The following CHRM3 variants were observed in gnomAD, a reference collection of about 807,000 sequenced individuals.
The protein encoded by CHRM3 is muscarinic acetylcholine receptor M3.
In CHRM3, 11 loss-of-function variants were observed where a neutral mutation model predicts 41.8. The ratio of observed to expected loss-of-function variants is 0.26; its 90% confidence interval spans 0.17 to 0.44. The LOEUF (loss-of-function observed/expected upper bound fraction) is 0.44. Ranked by LOEUF, CHRM3 falls within the 20% of genes least tolerant of loss-of-function variation. CHRM3 has a pLI of 1.00. For synonymous variants in CHRM3, 297 were observed against 301.4 expected (o/e 0.99, Z 0.15); for missense variants, 571 against 745.4 (o/e 0.77, Z 2.72).
chr1:239,769,737 C>G (rs1053511517), intron 5 of CHRM3, among the ~76,000 whole-genome samples: 1 of 152,142 alleles, frequency 6.6e-6, no homozygotes, highest in African/African-American at 2.4e-5. Flanking sequence ...AAAAATTAGC[C>G]AGGCTTGGTG....
chr1:239,841,210 T>C (rs1344338429), intron 6 of CHRM3, among the ~76,000 whole-genome samples: 1 of 152,192 alleles, frequency 6.6e-6, no homozygotes, highest in East Asian at 1.9e-4. Context: ...TAACTTGGAT[T>C]TTTCTCTTGA....
intron 3 of CHRM3, among the ~76,000 whole-genome samples, chr1:239,600,961 T>C (rs112860121): frequency 1.3e-5 from 2 of 152,262 alleles, no homozygotes; most frequent in East Asian, 1.9e-4. Flanking sequence ...CAAAGTCCAT[T>C]TGAGATTTTT....
chr1:239,796,615 C>T (rs540914723), intron 5 of CHRM3, among the ~76,000 whole-genome samples: 1 of 152,072 alleles, frequency 6.6e-6, no homozygotes, highest in African/African-American at 2.4e-5. Context: ...GGCTGATCAG[C>T]GTCTCGGAGG....
At chr1:239,617,083 A>G (rs925273886) in intron 3 of CHRM3, among the ~76,000 whole-genome samples, 1 of 152,122 alleles carries the variant, frequency 6.6e-6, no homozygotes, top group Non-Finnish European at 1.5e-5. Flanking sequence ...ATCATTTAGC[A>G]TAGCTCCCCT....
intron 4 of CHRM3, among the ~76,000 whole-genome samples, chr1:239,660,646 G>C (rs958807506): frequency 6.6e-6 from 1 of 152,046 alleles, no homozygotes; most frequent in African/African-American, 2.4e-5. Flanking sequence ...ACTTTGGGAG[G>C]CTGAGACAGG....
intron 3 of CHRM3, among the ~76,000 whole-genome samples, chr1:239,621,698 G>A (rs1046530751): frequency 6.6e-6 from 1 of 152,204 alleles, no homozygotes; most frequent in Admixed American, 6.5e-5. Flanking sequence ...TGAAGGCTGA[G>A]AGAGGAAAGG....
intron 5 of CHRM3, among the ~76,000 whole-genome samples, chr1:239,705,875 C>T (rs1013248026): frequency 2.6e-5 from 4 of 151,656 alleles, no homozygotes; most frequent in African/African-American, 9.7e-5. Context: ...GATAAAATTA[C>T]CTTGGAATAC....
rs1680576388 is a variant in CHRM3 at position 239,915,150 on chromosome 1, A to C, written c.*5926A>C. 1 of 167,118 alleles carries C rather than the reference A, an allele frequency of 6.0e-6. No homozygotes were observed. Among genetic ancestry groups the C allele is most frequent in the Non-Finnish European group, 1.5e-5 (1 of 68,130 alleles). The allele number at this position is 167,118 out of a possible 1,614,324, so 10.4% of individuals were successfully genotyped here. A position where few individuals can be genotyped will look rare whatever the true frequency, so the allele number is the denominator to read the frequency against. ...AAGATGCTCTCTGGTGGATAGAGAA[A>C]CCGCAGTCCAAAAACAGATGGGTGT... On this transcript the variant is annotated 3_prime_UTR_variant, in exon 7 of 7. Transcript: ENST00000676153.
chr1:239,670,655 G>A (rs1674265807), intron 4 of CHRM3, among the ~76,000 whole-genome samples: 1 of 152,048 alleles, frequency 6.6e-6, no homozygotes, highest in African/African-American at 2.4e-5. Flanking sequence ...AGCTTCCCAA[G>A]CAGCTGGGAT....
At chr1:239,619,918 A>T (rs1206414446) in intron 3 of CHRM3, among the ~76,000 whole-genome samples, 1 of 152,180 alleles carries the variant, frequency 6.6e-6, no homozygotes, top group African/African-American at 2.4e-5. Flanking sequence ...GGTTACCTGA[A>T]GAAAAGGGTG....
Position 239,739,177 on chromosome 1 carries a change from A to G in CHRM3, c.-147+60889A>G, listed in dbSNP as rs79458405. On this transcript the variant is annotated intron_variant, in intron 5 of 6. Coordinates refer to ENST00000676153, the MANE Select transcript of CHRM3 (RefSeq NM_001375978.1). ...CAATATTATGTATTTGACAGGGCAC[A>G]GCAGCACCAGCATGCATTGGCATTG... Among the ~76,000 whole-genome samples the G allele has an allele frequency of 7.2e-5, 11 of 152,300 alleles. No homozygotes were observed. The East Asian group carries it at 1.9e-3, about 27-fold the overall frequency.
chr1:239,770,990 A>G (rs1667615331), intron 5 of CHRM3, among the ~76,000 whole-genome samples: 1 of 151,872 alleles, frequency 6.6e-6, no homozygotes, highest in Non-Finnish European at 1.5e-5. Context: ...ATGGAGGCTG[A>G]GGCAGGGGAA....
rs1448173064 is a variant in CHRM3 at position 239,387,394 on chromosome 1, G to A, written c.-521+167G>A. Among the ~76,000 whole-genome samples, 1 of 152,020 alleles carries A rather than the reference G, an allele frequency of 6.6e-6. No individual in the cohort carries two copies. The highest frequency in any genetic ancestry group is 1.5e-5 in the Non-Finnish European group (1 of 68,018). On this transcript the variant is annotated intron_variant, in intron 1 of 6. Transcript: ENST00000676153. The surrounding 1 kb of genome is among the most constrained non-coding windows in gnomAD (Gnocchi z 5.1). ...AAGGGGCTGGGTAGGGACGAGAGAG[G>A]CTGTTGATTTGGGGAAGATGGGGGC...
intron 1 of CHRM3, among the ~76,000 whole-genome samples, chr1:239,480,682 G>A (rs933859097): frequency 7.3e-5 from 11 of 150,448 alleles, no homozygotes; most frequent in African/African-American, 2.7e-4. Context: ...TCAGCCTCCT[G>A]AGTAGCGGGG....
intron 6 of CHRM3, among the ~76,000 whole-genome samples, chr1:239,864,573 C>CATAT: frequency 6.6e-6 from 1 of 151,602 alleles, no homozygotes; most frequent in Non-Finnish European, 1.5e-5. Context: ...TACATATATA[C>CATAT]ATATATATGT....
chr1:239,793,803 ATTTTTTTTTTTTT>A (rs67460907), intron 5 of CHRM3, among the ~76,000 whole-genome samples: 3 of 69,494 alleles, frequency 4.3e-5, no homozygotes, highest in Non-Finnish European at 7.4e-5. Context: ...TGAAATGTGT[ATTTTTTTTTTTTT>A]TTTTTTTTTT....
At chr1:239,652,662 C>T (rs922895154) in intron 4 of CHRM3, among the ~76,000 whole-genome samples, 1 of 151,790 alleles carries the variant, frequency 6.6e-6, no homozygotes, top group African/African-American at 2.4e-5. Context: ...GATTTAACTG[C>T]AGGCACGGAC....
At chr1:239,520,880 A>G (rs1328126487) in intron 2 of CHRM3, among the ~76,000 whole-genome samples, 1 of 152,164 alleles carries the variant, frequency 6.6e-6, no homozygotes, top group East Asian at 1.9e-4. Flanking sequence ...TACATACATA[A>G]CATACTGTTA....
In CHRM3 at chr1:239,610,576, T is replaced by C. The variant is rs1666901185; in HGVS notation, c.-312-21648T>C. ...TGAACAGCACTTTTACGTTAAACCA[T>C]TTGGTCCTCACATCAGCTTGTGTGT... On this transcript the variant is annotated intron_variant, in intron 3 of 6. Coordinates refer to ENST00000676153, the MANE Select transcript of CHRM3 (RefSeq NM_001375978.1). Among the ~76,000 whole-genome samples the C allele has an allele frequency of 2.6e-5, 4 of 152,140 alleles. No homozygotes were observed. The South Asian group carries it at 8.3e-4, about 32-fold the overall frequency.
Sources: gnomAD v4.1 joint callset for allele counts (sites outside exome capture counted in the v4.1 genomes callset) on GRCh38, gnomAD v4.1.1 for gene constraint, Gnocchi (gnomAD v3.1) non-coding constraint, MANE v1.5 for transcripts, NCBI Gene and HGNC (gene_info 2026-07-23, HGNC 2026-07-21) for gene names.